CNBD1: variants seen among roughly 807,000 people sequenced by gnomAD.
The protein encoded by CNBD1 is cyclic nucleotide binding domain containing 1.
CNBD1 carries 71 observed loss-of-function variants against 54.4 expected under a neutral mutation model. That is an observed-to-expected ratio of 1.30 (90% confidence interval 1.08 to 1.59). CNBD1 has a LOEUF of 1.59. Ranked by LOEUF, CNBD1 falls within the 40% of genes most tolerant of loss-of-function variation. CNBD1 has a pLI of 0.00. For synonymous variants in CNBD1, 182 were observed against 170.7 expected (o/e 1.07, Z -0.51); for missense variants, 659 against 518.0 (o/e 1.27, Z -2.64).
chr8:87,271,849 G>A (rs998934893), intron 6 of CNBD1, among the ~76,000 whole-genome samples: 2 of 151,130 alleles, frequency 1.3e-5, no homozygotes, highest in Non-Finnish European at 2.9e-5. Context: ...AGATACAGAA[G>A]CAACCTAAGT....
At chr8:87,337,173 A>T (rs1809959854) in intron 8 of CNBD1, among the ~76,000 whole-genome samples, 2 of 152,084 alleles carry the variant, frequency 1.3e-5, no homozygotes, top group African/African-American at 4.8e-5. Flanking sequence ...GATCTTACCC[A>T]GCTTGGTGGG....
At position 86,947,714 on chromosome 8, in the gene CNBD1, A is replaced by G. The variant is rs112037121; in HGVS notation, c.431+7960A>G. ...GCATACAATGAATAATAATGACATC[A>G]TGGAGAATGGGGTGTTCGTGCCCTC... On this transcript the variant is annotated intron_variant, in intron 4 of 10. Transcript: ENST00000518476. Among the ~76,000 whole-genome samples, 664 of 152,250 alleles carry G rather than the reference A, an allele frequency of 4.4e-3. 10 individuals are homozygous for G. The highest frequency in any genetic ancestry group is 0.016 in the African/African-American group (645 of 41,568).
intron 8 of CNBD1, among the ~76,000 whole-genome samples, chr8:87,332,127 CG>C (rs1809846978): frequency 6.6e-6 from 1 of 152,018 alleles, no homozygotes; most frequent in African/African-American, 2.4e-5. Context: ...GCAGGTGGAT[CG>C]TTTGAGGTCA....
At chr8:87,254,923 A>G (rs1052090711) in intron 6 of CNBD1, among the ~76,000 whole-genome samples, 2 of 152,140 alleles carry the variant, frequency 1.3e-5, no homozygotes, top group African/African-American at 2.4e-5. Flanking sequence ...AAAGCAAAAT[A>G]CTTTTTTTTC....
Position 87,353,799 on chromosome 8 carries a change from A to G in CNBD1, c.1303+13A>G. On this transcript the variant is annotated intron_variant, in intron 10 of 10. Transcript: ENST00000518476. ...AAGGACCTATTTGGTAAATGCATAA[A>G]TATCTTTTAACTGTTATACCATTTT... 1 of 1,583,586 alleles carries G rather than the reference A, an allele frequency of 6.3e-7. No homozygotes were observed. The highest frequency in any genetic ancestry group is 8.6e-7 in the Non-Finnish European group (1 of 1,164,842).
At chr8:87,379,139 C>A (rs1376425614) in intron 10 of CNBD1, among the ~76,000 whole-genome samples, 1 of 151,766 alleles carries the variant, frequency 6.6e-6, no homozygotes, top group East Asian at 1.9e-4. Flanking sequence ...AATTGAATAC[C>A]CTTTATTTCC....
At chr8:87,225,843 G>T (rs1459712410) in intron 5 of CNBD1, among the ~76,000 whole-genome samples, 3 of 145,572 alleles carry the variant, frequency 2.1e-5, no homozygotes, top group Non-Finnish European at 3.0e-5. Flanking sequence ...ACCTCTGGTA[G>T]AATTCAGCTG....
intron 4 of CNBD1, among the ~76,000 whole-genome samples, chr8:86,987,808 G>C (rs1018065820): frequency 6.6e-6 from 1 of 152,114 alleles, no homozygotes; most frequent in Non-Finnish European, 1.5e-5. Flanking sequence ...ATTGATTTGT[G>C]TATGTTAAAC....
chr8:87,022,682 A>G (rs964570245), intron 4 of CNBD1, among the ~76,000 whole-genome samples: 3 of 152,210 alleles, frequency 2.0e-5, no homozygotes, highest in African/African-American at 7.2e-5. Flanking sequence ...TGTAACCACT[A>G]TTACTGAAAC....
intron 1 of CNBD1, among the ~76,000 whole-genome samples, chr8:86,882,860 G>C (rs1808624873): frequency 6.6e-6 from 1 of 152,110 alleles, no homozygotes; most frequent in Non-Finnish European, 1.5e-5. Flanking sequence ...ATAAGATTAT[G>C]TCCTTCACAG....
At chr8:87,002,204 ACTT>A (rs1809007525) in intron 4 of CNBD1, among the ~76,000 whole-genome samples, 1 of 151,954 alleles carries the variant, frequency 6.6e-6, no homozygotes, top group African/African-American at 2.4e-5. Flanking sequence ...TAATCCAATC[ACTT>A]CTTTTTACCT....
intron 4 of CNBD1, among the ~76,000 whole-genome samples, chr8:86,980,627 T>A (rs1808466188): frequency 6.6e-6 from 1 of 152,200 alleles, no homozygotes; most frequent in African/African-American, 2.4e-5. Flanking sequence ...CTTACTTTTT[T>A]TGGTTACACT....
chr8:87,347,200 C>T (rs1006024437), intron 8 of CNBD1, among the ~76,000 whole-genome samples: 2 of 152,080 alleles, frequency 1.3e-5, no homozygotes, highest in African/African-American at 2.4e-5. Flanking sequence ...GCTGTTCTGC[C>T]ACCTCATATA....
chr8:86,936,575 C>G (rs1198507644), intron 3 of CNBD1, among the ~76,000 whole-genome samples: 3 of 151,824 alleles, frequency 2.0e-5, no homozygotes, highest in Non-Finnish European at 4.4e-5. Flanking sequence ...CCCATCTCTA[C>G]TAAAAATGCA....
At chr8:87,083,585 C>CTTTTTTT (rs752855766) in intron 4 of CNBD1, among the ~76,000 whole-genome samples, 2 of 117,162 alleles carry the variant, frequency 1.7e-5, no homozygotes. Context: ...CAATGTATTT[C>CTTTTTTT]TTTTTTTTTT....
Position 87,170,583 on chromosome 8 carries a change from G to T in CNBD1, c.432-35410G>T, listed in dbSNP as rs565359505. On this transcript the variant is annotated intron_variant, in intron 4 of 10. Coordinates refer to ENST00000518476, the MANE Select transcript of CNBD1 (RefSeq NM_173538.3). ...CCCATTCAGTATGATACTAGCTATG[G>T]GTCTGTCATACGTGGCTTTCATTAT... 2.6e-5 allele frequency among the ~76,000 whole-genome samples: 4 copies of T among 152,058 alleles called. No homozygotes were observed. In the East Asian group the frequency reaches 7.7e-4, roughly 29 times the overall value.
chr8:87,303,135 A>G (rs903038724), intron 8 of CNBD1, among the ~76,000 whole-genome samples: 1 of 152,046 alleles, frequency 6.6e-6, no homozygotes, highest in Admixed American at 6.6e-5. Context: ...GGAAAAAACT[A>G]CTTTAAAGTT....
intron 8 of CNBD1, among the ~76,000 whole-genome samples, chr8:87,317,173 C>A (rs1299257549): frequency 6.6e-6 from 1 of 151,570 alleles, no homozygotes; most frequent in Non-Finnish European, 1.5e-5. Context: ...TTAATTTTCT[C>A]CATTGATTTT....
rs187867263 is a variant in CNBD1 at position 87,064,941 on chromosome 8, T to G, written c.431+125187T>G. Among the ~76,000 whole-genome samples, 151 of 152,104 alleles carry G rather than the reference T, an allele frequency of 9.9e-4. 1 individual carries two copies. Among genetic ancestry groups the G allele is most frequent in the African/African-American group, 3.4e-3 (142 of 41,570 alleles). On this transcript the variant is annotated intron_variant, in intron 4 of 10. Coordinates refer to ENST00000518476, the MANE Select transcript of CNBD1 (RefSeq NM_173538.3). ...ATGTATGTTAGACCTTCTCAACTTATCCCCTGTGTCTCTTATCCTCTAGAT... is the reference window on the plus strand; with the variant it reads ...ATGTATGTTAGACCTTCTCAACTTAGCCCCTGTGTCTCTTATCCTCTAGAT...
Sources: gnomAD v4.1 joint callset for allele counts (sites outside exome capture counted in the v4.1 genomes callset) on GRCh38, gnomAD v4.1.1 for gene constraint, MANE v1.5 for transcripts, NCBI Gene and HGNC (gene_info 2026-07-23, HGNC 2026-07-21) for gene names.